The following LGR6 variants were observed in gnomAD, a reference collection of about 807,000 sequenced individuals.
LGR6 encodes leucine rich repeat containing G protein-coupled receptor 6, also known as leucine-rich repeat-containing G protein-coupled receptor 6.
LGR6 carries 45 observed loss-of-function variants against 69.4 expected under a neutral mutation model. The ratio of observed to expected loss-of-function variants is 0.65; its 90% CI spans 0.51 to 0.83. The LOEUF is 0.83. Among genes scored for constraint, LGR6 ranks in the 40% least tolerant of loss-of-function variants. The pLI is 0.00. For synonymous variants in LGR6, 538 were observed against 555.0 expected (o/e 0.97, Z 0.43); for missense variants, 1,108 against 1,246.7 (o/e 0.89, Z 1.68).
rs111226694 is a variant in LGR6 at position 202,266,273 on chromosome 1, A to G, written c.429-10033A>G. On this transcript the variant is annotated intron_variant, in intron 4 of 17. Transcript: ENST00000367278. ...CTTGTAAGTTGCCCTGCCTGGGGAC[A>G]CAGGGACATAGCACAGAAGAATTTG... 4.9e-3 allele frequency among the ~76,000 whole-genome samples: 748 copies of G among 152,250 alleles called. 8 individuals carry two copies. Among genetic ancestry groups the G allele is most frequent in the African/African-American group, 0.017 (719 of 41,538 alleles).
chr1:202,314,136 T>C (rs1404612648), intron 16 of LGR6, among the ~76,000 whole-genome samples: 1 of 152,182 alleles, frequency 6.6e-6, no homozygotes, highest in Non-Finnish European at 1.5e-5. Flanking sequence ...AATCATAATT[T>C]GCCTCGTTCT....
At chr1:202,213,603 C>A (rs1659563505) in intron 1 of LGR6, among the ~76,000 whole-genome samples, 1 of 152,210 alleles carries the variant, frequency 6.6e-6, no homozygotes, top group Non-Finnish European at 1.5e-5. Flanking sequence ...AACTTTATAG[C>A]CCTGCTTCTC....
At chr1:202,242,284 A>G (rs1662272432) in intron 4 of LGR6, among the ~76,000 whole-genome samples, 1 of 152,214 alleles carries the variant, frequency 6.6e-6, no homozygotes, top group African/African-American at 2.4e-5. Flanking sequence ...CTGGGACTTT[A>G]GTTTAGCTCC....
chr1:202,203,812 G>A, intron 1 of LGR6: 1 of 1,613,842 alleles, frequency 6.2e-7, no homozygotes, highest in South Asian at 1.1e-5. Flanking sequence ...AAACCCACAG[G>A]CCAAGGAATG....
chr1:202,239,252 C>T (rs1661932824), intron 4 of LGR6, among the ~76,000 whole-genome samples: 1 of 151,974 alleles, frequency 6.6e-6, no homozygotes, highest in African/African-American at 2.4e-5. Flanking sequence ...TCCCTTCAAG[C>T]TTTCAGGCCC....
intron 1 of LGR6, among the ~76,000 whole-genome samples, chr1:202,205,149 T>C: frequency 2.5e-4 from 10 of 40,668 alleles, no homozygotes; most frequent in East Asian, 9.2e-4. Flanking sequence ...CACACACACC[T>C]CCACACACAC....
chr1:202,231,136 A>G (rs1295103494), intron 3 of LGR6, among the ~76,000 whole-genome samples: 1 of 152,186 alleles, frequency 6.6e-6, no homozygotes, highest in Admixed American at 6.5e-5. Flanking sequence ...GCTGGGAGTT[A>G]GCATCTCCGG....
At chr1:202,195,686 A>G (rs1272282878) in intron 1 of LGR6, among the ~76,000 whole-genome samples, 1 of 152,156 alleles carries the variant, frequency 6.6e-6, no homozygotes, top group African/African-American at 2.4e-5. Context: ...AGTATGTGAC[A>G]TTGGTTCATT....
intron 6 of LGR6, among the ~76,000 whole-genome samples, chr1:202,283,667 C>T (rs1374299371): frequency 2.0e-5 from 3 of 152,204 alleles, no homozygotes; most frequent in African/African-American, 7.2e-5. Flanking sequence ...CAGGTGCGGG[C>T]ATGCACACAC....
At chr1:202,201,824 A>T (rs1029516243) in intron 1 of LGR6, among the ~76,000 whole-genome samples, 2 of 152,230 alleles carry the variant, frequency 1.3e-5, no homozygotes, top group Admixed American at 1.3e-4. Context: ...GGGGCTCAGC[A>T]CAGAAATTGG....
In LGR6 at chr1:202,233,990, A is replaced by G. The variant is rs79578174; in HGVS notation, c.357-1932A>G. On this transcript the variant is annotated intron_variant, in intron 3 of 17. Transcript: ENST00000367278. ...TTCAGAGTCTGCATCTGTGACAACT[A>G]TACTGTAAGGAAGCCCAAGAGACAC... is the stretch of plus-strand genomic sequence containing the variant. 6.0e-3 allele frequency among the ~76,000 whole-genome samples: 911 copies of G among 152,344 alleles called. 11 individuals are homozygous for G. Among genetic ancestry groups the G allele is most frequent in the African/African-American group, 0.021 (875 of 41,586 alleles).
chr1:202,247,362 T>C (rs1232954110), intron 4 of LGR6, among the ~76,000 whole-genome samples: 2 of 152,186 alleles, frequency 1.3e-5, no homozygotes, highest in Admixed American at 6.6e-5. Context: ...GAATCACTGT[T>C]CTTTTGTTCA....
chr1:202,237,915 A>G (rs969722487), intron 4 of LGR6, among the ~76,000 whole-genome samples: 3 of 150,936 alleles, frequency 2.0e-5, no homozygotes, highest in African/African-American at 7.3e-5. Flanking sequence ...CAAGGTGGGG[A>G]TAATTATCTT....
chr1:202,198,152 G>C (rs779510969), intron 1 of LGR6, among the ~76,000 whole-genome samples: 1 of 152,002 alleles, frequency 6.6e-6, no homozygotes, highest in Admixed American at 6.6e-5. Flanking sequence ...GTGTGTGTCT[G>C]TGTGTGTGTG....
At position 202,194,016 on chromosome 1, in the gene LGR6, G is replaced by A; in HGVS notation, c.27G>A (p.Ala9=). 6 of 1,386,502 alleles carry A rather than the reference G, an allele frequency of 4.3e-6. No homozygotes were observed. Among genetic ancestry groups the A allele is most frequent in the South Asian group, 3.2e-5 (2 of 63,176 alleles). 85.9% of individuals were successfully genotyped at this position (1,386,502 alleles called of 1,614,324 possible). Reference sequence around the variant, plus strand: ...TGCCCAGCCCGCCGGGGCTCCGGGCGCTATGGCTTTGCGCCGCGCTGTGCG... The same window carrying A: ...TGCCCAGCCCGCCGGGGCTCCGGGCACTATGGCTTTGCGCCGCGCTGTGCG... MPSPPGLR[A]LWLCAALCAS... Residue 9 remains alanine, a synonymous_variant, in exon 1 of 18, where the codon GCG becomes GCA. Transcript: ENST00000367278.
At chr1:202,315,401 T>A (rs1386680178) in intron 17 of LGR6, among the ~76,000 whole-genome samples, 8 of 152,226 alleles carry the variant, frequency 5.3e-5, no homozygotes, top group African/African-American at 1.7e-4. Context: ...CATCTAACGC[T>A]TATAGTTGCG....
intron 1 of LGR6, among the ~76,000 whole-genome samples, chr1:202,211,737 A>G (rs909517262): frequency 6.6e-6 from 1 of 152,148 alleles, no homozygotes; most frequent in Non-Finnish European, 1.5e-5. Context: ...AGCTTGGTAC[A>G]TTTCCATAAG....
chr1:202,249,808 T>C (rs1403132877), intron 4 of LGR6, among the ~76,000 whole-genome samples: 1 of 152,178 alleles, frequency 6.6e-6, no homozygotes, highest in Non-Finnish European at 1.5e-5. Flanking sequence ...CATCATCACT[T>C]GCCTGGGCTG....
chr1:202,263,110 T>C (rs1290763315), intron 4 of LGR6, among the ~76,000 whole-genome samples: 1 of 152,096 alleles, frequency 6.6e-6, no homozygotes, highest in Non-Finnish European at 1.5e-5. Context: ...TAAATTATTT[T>C]CAGAGTTATG....
Sources: allele counts gnomAD v4.1 joint callset (sites outside exome capture counted in the v4.1 genomes callset), GRCh38; gene constraint gnomAD v4.1.1; transcripts MANE v1.5; gene names NCBI Gene and HGNC (gene_info 2026-07-23, HGNC 2026-07-21).